GABRG3: variants seen among roughly 807,000 people sequenced by gnomAD.
GABRG3 encodes gamma-aminobutyric acid type A receptor subunit gamma3.
In GABRG3, 25 loss-of-function variants were observed where a neutral mutation model predicts 48.8. That is an observed-to-expected ratio of 0.51 (90% CI 0.37 to 0.72). GABRG3 has a LOEUF of 0.72. Among genes scored for constraint, GABRG3 ranks in the 30% least tolerant of loss-of-function variants. The probability of loss-of-function intolerance (pLI) is 0.00; values close to 1 mark genes in which losing one functional copy is unlikely to be tolerated. For missense variants in GABRG3, 394 were observed against 577.9 expected, an observed-to-expected ratio of 0.68 and a Z score of 3.26; for synonymous variants, 227 against 217.6, an observed-to-expected ratio of 1.04 and a Z score of -0.38.
At chr15:27,192,281 G>T (rs977171550) in intron 3 of GABRG3, among the ~76,000 whole-genome samples, 2 of 152,120 alleles carry the variant, frequency 1.3e-5, no homozygotes, top group African/African-American at 4.8e-5. Context: ...TGCCTTGCTA[G>T]ATTGGGGAAG....
At chr15:27,388,292 A>G (rs367771957) in intron 5 of GABRG3, among the ~76,000 whole-genome samples, 945 of 29,790 alleles carry the variant, frequency 0.032, 111 homozygotes, top group Middle Eastern at 0.067. Flanking sequence ...AGGAAGGAAG[A>G]AAAGAAGGAA....
At chr15:27,106,030 A>G (rs1278314472) in intron 3 of GABRG3, among the ~76,000 whole-genome samples, 1 of 152,130 alleles carries the variant, frequency 6.6e-6, no homozygotes, top group African/African-American at 2.4e-5. Flanking sequence ...AGATACAGAA[A>G]GGAAAAGTTT....
At chr15:27,450,637 A>G (rs888596189) in intron 5 of GABRG3, among the ~76,000 whole-genome samples, 1 of 152,186 alleles carries the variant, frequency 6.6e-6, no homozygotes, top group Non-Finnish European at 1.5e-5. Flanking sequence ...CTTTTCCTGT[A>G]AGATCAGGAA....
chr15:27,406,373 G>C, intron 5 of GABRG3, among the ~76,000 whole-genome samples: 1 of 152,180 alleles, frequency 6.6e-6, no homozygotes, highest in Non-Finnish European at 1.5e-5. Flanking sequence ...TATGAAAGGG[G>C]GGAAATAAAA....
At chr15:27,156,043 T>A (rs949022361) in intron 3 of GABRG3, among the ~76,000 whole-genome samples, 7 of 152,088 alleles carry the variant, frequency 4.6e-5, no homozygotes, top group Non-Finnish European at 1.0e-4. Context: ...CTCATGCCTG[T>A]GATCCCAGCA....
At chr15:27,150,087 C>T (rs562184096) in intron 3 of GABRG3, among the ~76,000 whole-genome samples, 13 of 152,316 alleles carry the variant, frequency 8.5e-5, no homozygotes, top group African/African-American at 3.1e-4. Flanking sequence ...CCTTACTCCT[C>T]CTTCCTGAAG....
intron 3 of GABRG3, among the ~76,000 whole-genome samples, chr15:27,050,104 A>G (rs1595493870): frequency 6.6e-6 from 1 of 152,218 alleles, no homozygotes; most frequent in African/African-American, 2.4e-5. Context: ...TCTCTGGTAC[A>G]TCCCGTTCTG....
intron 3 of GABRG3, among the ~76,000 whole-genome samples, chr15:27,211,866 G>T (rs940814601): frequency 2.9e-4 from 44 of 152,160 alleles, no homozygotes; most frequent in African/African-American, 1.0e-3. Flanking sequence ...CCTAGAGGAT[G>T]GAACCACATC....
chr15:27,374,510 G>T (rs1185350713), intron 5 of GABRG3, among the ~76,000 whole-genome samples: 1 of 152,068 alleles, frequency 6.6e-6, no homozygotes, highest in African/African-American at 2.4e-5. Flanking sequence ...GTTTGTTCTT[G>T]TTACACATAA....
chr15:27,250,720 A>G (rs945421196), intron 3 of GABRG3, among the ~76,000 whole-genome samples: 3 of 152,162 alleles, frequency 2.0e-5, no homozygotes, highest in Non-Finnish European at 4.4e-5. Flanking sequence ...AGCCACCGCG[A>G]CTAGCCTCAG....
intron 3 of GABRG3, among the ~76,000 whole-genome samples, chr15:27,149,739 A>C (rs1302161231): frequency 6.6e-6 from 1 of 152,224 alleles, no homozygotes; most frequent in Non-Finnish European, 1.5e-5. Flanking sequence ...GAAGGAGCAC[A>C]ATCCTGCCAA....
chr15:27,308,366 C>CATA lies in GABRG3; in HGVS notation c.271-18442_271-18440dup, dbSNP rs1555370349. Among the ~76,000 whole-genome samples the CATA allele has an allele frequency of 5.9e-3, 758 of 129,568 alleles. 47 individuals are homozygous for CATA. Among genetic ancestry groups the CATA allele is most frequent in the African/African-American group, 0.022 (695 of 31,622 alleles). The allele number at this position is 129,568 out of a possible 152,430, so 85.0% of individuals were successfully genotyped here. ...ATATAAACATACGTTTATATATAAA[C>CATA]ATATAAACATTTGTTTATATATAAA... is the stretch of plus-strand genomic sequence containing the variant. On this transcript the variant is annotated intron_variant, in intron 3 of 9. Coordinates refer to ENST00000615808, the MANE Select transcript of GABRG3 (RefSeq NM_033223.5).
At position 27,428,494 on chromosome 15, in the gene GABRG3, G is replaced by A. The variant is rs1474073349; in HGVS notation, c.575-52156G>A. 2.0e-5 allele frequency among the ~76,000 whole-genome samples: 3 copies of A among 152,238 alleles called. No homozygotes were observed. The East Asian group carries it at 5.8e-4, about 29-fold the overall frequency. Reference sequence around the variant, plus strand: ...ACATGAATGTGAATTAGGTGGGCAAGAGAAGGAGCTAACCTCCAGTGAGAC... The same window carrying A: ...ACATGAATGTGAATTAGGTGGGCAAAAGAAGGAGCTAACCTCCAGTGAGAC... On this transcript the variant is annotated intron_variant, in intron 5 of 9. Transcript: ENST00000615808.
At chr15:27,213,212 A>T (rs1457035716) in intron 3 of GABRG3, among the ~76,000 whole-genome samples, 1 of 152,250 alleles carries the variant, frequency 6.6e-6, no homozygotes, top group Non-Finnish European at 1.5e-5. Flanking sequence ...CTGGTGTGGG[A>T]CAAGAGACAA....
intron 3 of GABRG3, among the ~76,000 whole-genome samples, chr15:27,033,078 C>G (rs1206848194): frequency 6.6e-6 from 1 of 152,152 alleles, no homozygotes; most frequent in African/African-American, 2.4e-5. Flanking sequence ...GAGGAGATAA[C>G]CAGTATTGGT....
chr15:27,249,960 C>G (rs1890401451), intron 3 of GABRG3, among the ~76,000 whole-genome samples: 1 of 152,110 alleles, frequency 6.6e-6, no homozygotes, highest in Non-Finnish European at 1.5e-5. Context: ...TCAGGGCAGC[C>G]TGGAGAAGGC....
chr15:27,000,475 C>A (rs529377712), intron 2 of GABRG3, among the ~76,000 whole-genome samples: 7 of 152,274 alleles, frequency 4.6e-5, no homozygotes, highest in African/African-American at 1.7e-4. Context: ...ATCTCATATT[C>A]AATTGTAATT....
chr15:27,313,762 A>G (rs1178193038), intron 3 of GABRG3, among the ~76,000 whole-genome samples: 2 of 152,218 alleles, frequency 1.3e-5, no homozygotes, highest in Non-Finnish European at 2.9e-5. Flanking sequence ...TAAGTTAGAA[A>G]ATACCTTGAG....
intron 3 of GABRG3, among the ~76,000 whole-genome samples, chr15:27,060,950 AC>A (rs1896633805): frequency 1.3e-5 from 2 of 152,158 alleles, no homozygotes; most frequent in Admixed American, 1.3e-4. Context: ...ACTAAATGCC[AC>A]CAAATACTCT....
Sources: gnomAD v4.1 joint callset for allele counts (sites outside exome capture counted in the v4.1 genomes callset) on GRCh38, gnomAD v4.1.1 for gene constraint, MANE v1.5 for transcripts, NCBI Gene and HGNC (gene_info 2026-07-23, HGNC 2026-07-21) for gene names.